LOC128462377: variants seen among roughly 807,000 people sequenced by gnomAD.
At chr16:89,345,344 C>G in the LOC128462377 span, among the ~76,000 whole-genome samples, 7 of 151,800 alleles carry the variant, frequency 4.6e-5, no homozygotes, top group African/African-American at 1.7e-4. Context: ...GCCGACACCC[C>G]CCGGCACCTG....
At chr16:89,412,430 C>G in the LOC128462377 span, 1 of 152,658 alleles carries the variant, frequency 6.6e-6, no homozygotes, top group East Asian at 1.9e-4. Flanking sequence ...ACACCGGACC[C>G]TCCATCTCCT....
chr16:89,337,613 A>AT, the LOC128462377 span, among the ~76,000 whole-genome samples: 3 of 150,700 alleles, frequency 2.0e-5, no homozygotes, highest in Non-Finnish European at 4.4e-5. Context: ...ATTTTTTTGT[A>AT]TTTTTTATAG....
chr16:89,407,519 TAAGA>T, the LOC128462377 span, among the ~76,000 whole-genome samples: 1 of 151,990 alleles, frequency 6.6e-6, no homozygotes, highest in Non-Finnish European at 1.5e-5. Flanking sequence ...CGCACACACC[TAAGA>T]AACAAACTCC....
At chr16:89,384,879 C>CTTTCTTTTTTTTTTTTTTTTTTT in the LOC128462377 span, among the ~76,000 whole-genome samples, 1 of 49,910 alleles carries the variant, frequency 2.0e-5, no homozygotes, top group African/African-American at 7.9e-5. Flanking sequence ...AAATAGTTTT[C>CTTTCTTTTTTTTTTTTTTTTTTT]TTTTTTTTTT....
At chr16:89,353,524 C>G in the LOC128462377 span, among the ~76,000 whole-genome samples, 1 of 151,842 alleles carries the variant, frequency 6.6e-6, no homozygotes, top group East Asian at 2.0e-4. Context: ...GTCACCCAGG[C>G]TGGAGTACAG....
the LOC128462377 span, among the ~76,000 whole-genome samples, chr16:89,403,242 A>T: frequency 7.9e-5 from 12 of 152,250 alleles, no homozygotes; most frequent in East Asian, 2.3e-3. Context: ...ACTGACAGGA[A>T]GTATCTGATG....
the LOC128462377 span, among the ~76,000 whole-genome samples, chr16:89,349,913 T>C: frequency 0.22 from 13,067 of 60,318 alleles, 809 homozygotes; most frequent in Middle Eastern, 0.37. Flanking sequence ...CACACACACA[T>C]ATTCAAACAA....
the LOC128462377 span, among the ~76,000 whole-genome samples, chr16:89,377,076 AC>A: frequency 6.6e-6 from 1 of 152,232 alleles, no homozygotes; most frequent in Non-Finnish European, 1.5e-5. Context: ...CCAGTAAGGA[AC>A]TGCCTTAAAT....
At chr16:89,405,541 C>T in the LOC128462377 span, among the ~76,000 whole-genome samples, 2 of 141,300 alleles carry the variant, frequency 1.4e-5, no homozygotes, top group Non-Finnish European at 3.0e-5. Context: ...ACTATGTTGT[C>T]CGGGCTGGTC....
At chr16:89,351,222 G>A in the LOC128462377 span, among the ~76,000 whole-genome samples, 7 of 152,308 alleles carry the variant, frequency 4.6e-5, no homozygotes, top group South Asian at 2.1e-4. Flanking sequence ...GGGCATGGGC[G>A]AGGGGTTCCA....
At chr16:89,383,391 T>TC in the LOC128462377 span, among the ~76,000 whole-genome samples, 1 of 152,194 alleles carries the variant, frequency 6.6e-6, no homozygotes, top group Non-Finnish European at 1.5e-5. Flanking sequence ...GACGAGGAGA[T>TC]CTGTGCCATG....
chr16:89,378,978 C>G, the LOC128462377 span, among the ~76,000 whole-genome samples: 4 of 152,308 alleles, frequency 2.6e-5, no homozygotes, highest in Admixed American at 6.5e-5. Context: ...AAGGTTCTGA[C>G]GGCACACTGG....
the LOC128462377 span, among the ~76,000 whole-genome samples, chr16:89,389,553 G>A: frequency 1.3e-5 from 2 of 152,150 alleles, no homozygotes; most frequent in Non-Finnish European, 2.9e-5. Context: ...AAAAGACACT[G>A]GAATGAACCT....
the LOC128462377 span, among the ~76,000 whole-genome samples, chr16:89,384,494 G>A: frequency 6.6e-6 from 1 of 152,044 alleles, no homozygotes; most frequent in Non-Finnish European, 1.5e-5. Context: ...GGACGAGATG[G>A]AAATGGGACA....
chr16:89,373,627 T>C, the LOC128462377 span: 1 of 152,208 alleles, frequency 6.6e-6, no homozygotes, highest in Non-Finnish European at 1.5e-5. Flanking sequence ...GAAGTTCACA[T>C]TCCCACGAGC....
chr16:89,401,003 G>A, the LOC128462377 span, among the ~76,000 whole-genome samples: 3 of 152,186 alleles, frequency 2.0e-5, no homozygotes, highest in African/African-American at 7.2e-5. Context: ...GACCAAGATG[G>A]AAAGGGAGGC....
the LOC128462377 span, among the ~76,000 whole-genome samples, chr16:89,414,350 G>A: frequency 6.6e-6 from 1 of 152,096 alleles, no homozygotes; most frequent in Non-Finnish European, 1.5e-5. Context: ...CCCACATGTT[G>A]CAAGGGTCAG....
chr16:89,350,789 T>G, the LOC128462377 span, among the ~76,000 whole-genome samples: 1 of 152,186 alleles, frequency 6.6e-6, no homozygotes, highest in South Asian at 2.1e-4. Context: ...AACATGATGC[T>G]CATGTTGAGT....
At chr16:89,405,645 T>C in the LOC128462377 span, among the ~76,000 whole-genome samples, 3 of 152,068 alleles carry the variant, frequency 2.0e-5, no homozygotes, top group Admixed American at 6.5e-5. Flanking sequence ...TCTAGGTAAC[T>C]TTCCTATCAG....
Sources: allele counts gnomAD v4.1 joint callset (sites outside exome capture counted in the v4.1 genomes callset), GRCh38; gene constraint gnomAD v4.1.1; transcripts MANE v1.5.